Variants in SFI1 observed in about 807,000 individuals in gnomAD.
The protein encoded by SFI1 is protein SFI1 homolog.
Under a neutral mutation model 207.5 loss-of-function variants are expected in SFI1, and 195 were observed. The observed-to-expected ratio is 0.94, with a 90% confidence interval of 0.84 to 1.06. The LOEUF (loss-of-function observed/expected upper bound fraction) is 1.06. SFI1 is among the 50% of genes least tolerant of loss of function. SFI1 has a pLI of 0.00. For synonymous variants in SFI1, 630 were observed against 598.9 expected (o/e 1.05, Z -0.76); for missense variants, 1,634 against 1,588.0 (o/e 1.03, Z -0.49).
intron 10 of SFI1, among the ~76,000 whole-genome samples, chr22:31,577,520 C>T (rs73160658): frequency 0.045 from 6,872 of 152,234 alleles, 136 homozygotes; most frequent in African/African-American, 0.053. Context: ...CAATCCTCCC[C>T]CCTCAGCCTA....
chr22:31,603,957 G>A, intron 18 of SFI1, 138 bp downstream of exon 18: 3 of 859,450 alleles, frequency 3.5e-6, no homozygotes, highest in Non-Finnish European at 5.4e-6. Context: ...CATAGAAAGT[G>A]TTAACTCAGT....
intron 9 of SFI1, 87 bp from the exon 10 acceptor site, chr22:31,575,144 C>T: frequency 1.8e-6 from 2 of 1,136,238 alleles, no homozygotes; most frequent in East Asian, 2.7e-5. Context: ...CTGCTCTCTG[C>T]CAGTAGTGGG....
chr22:31,566,168 A>ACTG (rs1162424928), intron 8 of SFI1, among the ~76,000 whole-genome samples: 6 of 147,306 alleles, frequency 4.1e-5, no homozygotes, highest in Non-Finnish European at 7.4e-5. Context: ...ATCTCAGCTC[A>ACTG]CTGCAATCTC....
intron 15 of SFI1, 82 bp from the exon 16 acceptor site, chr22:31,602,130 C>A: frequency 8.2e-7 from 1 of 1,213,910 alleles, no homozygotes; most frequent in South Asian, 1.2e-5. Context: ...AAGGAAAAAT[C>A]CAATTATTTG....
chr22:31,505,507 G>A (rs919445591), intron 1 of SFI1, among the ~76,000 whole-genome samples: 4 of 152,026 alleles, frequency 2.6e-5, no homozygotes, highest in Admixed American at 6.6e-5. Context: ...TGTAGTCCCA[G>A]CTACTTGGGA....
At chr22:31,597,241 C>T (rs2067286259) in intron 15 of SFI1, among the ~76,000 whole-genome samples, 1 of 152,088 alleles carries the variant, frequency 6.6e-6, no homozygotes, top group Non-Finnish European at 1.5e-5. Context: ...TGCTAGGGAG[C>T]AGTTTGGGTG....
At chr22:31,547,851 C>T (rs187445010) in intron 5 of SFI1, among the ~76,000 whole-genome samples, 95 of 150,992 alleles carry the variant, frequency 6.3e-4, no homozygotes, top group Middle Eastern at 6.9e-3. Flanking sequence ...CTCAGGTGAT[C>T]CTGCCACCTT....
chr22:31,542,378 A>C (rs1279275712), intron 4 of SFI1, among the ~76,000 whole-genome samples: 2 of 152,032 alleles, frequency 1.3e-5, no homozygotes, highest in African/African-American at 4.8e-5. Context: ...CTGTAATCCC[A>C]GCACTTTGGG....
chr22:31,573,062 G>A lies in SFI1; in HGVS notation c.770G>A (p.Trp257Ter), dbSNP rs765760242. Reference sequence around the variant, plus strand: ...TGCCTCTTCTCTGGTTTTCAGGCTTGGTCACAGTGGCGGGAACAGCTCCTG... The same window carrying A: ...TGCCTCTTCTCTGGTTTTCAGGCTTAGTCACAGTGGCGGGAACAGCTCCTG... The part of the protein sequence containing the change: ...HRALSLQVQA[W>*]SQWREQLLYV... Residue 257 changes from tryptophan to a stop codon, truncating the protein, a stop_gained, in exon 9 of 33, where the codon TGG becomes TAG. Coordinates refer to ENST00000400288, the MANE Select transcript of SFI1 (RefSeq NM_001007467.3). LOFTEE classifies it high-confidence loss of function. 3.1e-6 allele frequency: 5 copies of A among 1,613,010 alleles called. No homozygotes were observed. In the South Asian group the frequency reaches 4.4e-5, roughly 14 times the overall value.
chr22:31,517,566 C>G (rs1282197514), intron 2 of SFI1, among the ~76,000 whole-genome samples: 2 of 152,106 alleles, frequency 1.3e-5, no homozygotes, highest in African/African-American at 4.8e-5. Flanking sequence ...TCTGTATCAT[C>G]TTTAAGAACT....
chr22:31,589,547 T>C lies in SFI1; in HGVS notation c.1514T>C (p.Val505Ala), dbSNP rs766536340. The change falls in exon 15 of 33, where the codon GTC becomes GCC. Residue 505 changes from valine to alanine, a missense_variant. By Grantham distance (64) the Val-to-Ala change is moderately conservative. Coordinates refer to ENST00000400288, the MANE Select transcript of SFI1 (RefSeq NM_001007467.3). ...TGGCGATGGCGCCACCAGGAAAATG[T>C]CCTCAGTGCAAGAGCAACACGTTTC... ...RLWRWRHQEN[V>A]LSARATRFHR... 4 of 1,614,050 alleles carry C rather than the reference T, an allele frequency of 2.5e-6. 1 individual carries two copies. The South Asian group carries it at 4.4e-5, about 18-fold the overall frequency.
At chr22:31,551,392 C>T (rs1415574485) in intron 6 of SFI1, among the ~76,000 whole-genome samples, 2 of 152,120 alleles carry the variant, frequency 1.3e-5, no homozygotes, top group Non-Finnish European at 2.9e-5. Flanking sequence ...CTTGATCTCC[C>T]CCAGCCCAGT....
intron 15 of SFI1, among the ~76,000 whole-genome samples, chr22:31,593,256 A>G (rs1167800729): frequency 2.1e-5 from 3 of 145,280 alleles, no homozygotes; most frequent in Admixed American, 1.3e-4. Flanking sequence ...GTTGCCAGGC[A>G]GAGGGTCTCC....
chr22:31,537,494 T>C (rs556717394), intron 4 of SFI1, among the ~76,000 whole-genome samples: 15 of 152,336 alleles, frequency 9.8e-5, no homozygotes, highest in Admixed American at 7.8e-4. Flanking sequence ...TTATGCTGTT[T>C]TTCATGTCTT....
chr22:31,498,061 G>A (rs1012690252), intron 1 of SFI1, among the ~76,000 whole-genome samples: 4 of 152,172 alleles, frequency 2.6e-5, no homozygotes, highest in African/African-American at 4.8e-5. Context: ...TTGGGAGGCC[G>A]AGGCGGGTGG....
rs1158605358 is a variant in SFI1 at position 31,568,210 on chromosome 22, GTATA to G, written c.766-4834_766-4831del. 2.7e-4 allele frequency among the ~76,000 whole-genome samples: 31 copies of G among 114,596 alleles called. No homozygotes were observed. The East Asian group carries it at 2.9e-3, about 11-fold the overall frequency. The allele number at this position is 114,596 out of a possible 152,430, so 75.2% of individuals were successfully genotyped here. A position where few individuals can be genotyped will look rare whatever the true frequency, so the allele number is the denominator to read the frequency against. ...GTGTGTGTGTTGTGTGTGTGTGTGT[GTATA>G]TATATATATATATTTTTTTTTTTTT... On this transcript the variant is annotated intron_variant, in intron 8 of 32. Coordinates refer to ENST00000400288, the MANE Select transcript of SFI1 (RefSeq NM_001007467.3).
intron 15 of SFI1, 65 bp downstream of exon 15, chr22:31,589,642 A>G (rs1173828928): frequency 3.9e-6 from 6 of 1,538,782 alleles, no homozygotes; most frequent in South Asian, 1.3e-5. Context: ...ACAACCACAC[A>G]GCCCATTTGC....
At chr22:31,579,664 C>G (rs1484738597) in intron 11 of SFI1, among the ~76,000 whole-genome samples, 1 of 152,056 alleles carries the variant, frequency 6.6e-6, no homozygotes, top group African/African-American at 2.4e-5. Flanking sequence ...GTTGGCCAGG[C>G]TGGTCTTGAA....
At chr22:31,541,781 G>A (rs568134289) in intron 4 of SFI1, among the ~76,000 whole-genome samples, 2 of 144,994 alleles carry the variant, frequency 1.4e-5, no homozygotes, top group African/African-American at 2.5e-5. Context: ...GAATAAATCT[G>A]TTCAACAGTC....
Sources: allele counts gnomAD v4.1 joint callset (sites outside exome capture counted in the v4.1 genomes callset), GRCh38; gene constraint gnomAD v4.1.1; transcripts MANE v1.5; gene names NCBI Gene and HGNC (gene_info 2026-07-23, HGNC 2026-07-21).